The following SPG7 variants were observed in gnomAD, a reference collection of about 807,000 sequenced individuals.
The protein encoded by SPG7 is SPG7 matrix AAA peptidase subunit, paraplegin.
In SPG7, 103 loss-of-function variants were observed where a neutral mutation model predicts 81.9. The ratio of observed to expected loss-of-function variants is 1.26; its 90% CI spans 1.07 to 1.48. The LOEUF (loss-of-function observed/expected upper bound fraction) is 1.48, where lower values mean the gene tolerates loss of function less well. Ranked by LOEUF, SPG7 falls within the 40% of genes most tolerant of loss-of-function variation. The probability of loss-of-function intolerance (pLI) is 0.00; values close to 1 mark genes in which losing one functional copy is unlikely to be tolerated. For synonymous variants in SPG7, 534 were observed against 444.2 expected, an observed-to-expected ratio of 1.20 and a Z score of -2.54; for missense variants, 1,241 against 1,087.3, an observed-to-expected ratio of 1.14 and a Z score of -1.99.
chr16:89,532,925 A>C, intron 9 of SPG7: 4 of 435,062 alleles, frequency 9.2e-6, no homozygotes, highest in Admixed American at 3.5e-5. Flanking sequence ...CTCTACAAAA[A>C]TACAAAAGTC....
intron 9 of SPG7, chr16:89,533,368 C>CGT (rs1210193106): frequency 6.6e-6 from 1 of 152,086 alleles, no homozygotes; most frequent in Non-Finnish European, 1.5e-5. Context: ...GGGGTTTCAC[C>CGT]GTGTTAGCCA....
At position 89,540,156 on chromosome 16, in the gene SPG7, C is replaced by T. The variant is rs2058476725; in HGVS notation, c.1325-4492C>T. On this transcript the variant is annotated intron_variant, in intron 9 of 16. Transcript: ENST00000645818. Reference sequence around the variant, plus strand: ...CGAGAGCAGGTGGAGTGATTCCTCCCACTTTGTTCTTTACCAGAATTGTTT... The same window carrying T: ...CGAGAGCAGGTGGAGTGATTCCTCCTACTTTGTTCTTTACCAGAATTGTTT... 3 of 152,246 alleles carry T rather than the reference C, an allele frequency of 2.0e-5. No homozygotes were observed. The East Asian group carries it at 5.8e-4, about 29-fold the overall frequency. 9.4% of individuals were successfully genotyped at this position (152,246 alleles called of 1,614,324 possible). A position where few individuals can be genotyped will look rare whatever the true frequency, so the allele number is the denominator to read the frequency against.
chr16:89,555,611 G>A (rs1597667316), intron 16 of SPG7: 1 of 344,354 alleles, frequency 2.9e-6, no homozygotes, highest in Middle Eastern at 7.4e-4. Context: ...GGCTCCTCTG[G>A]GGTGACAGTT....
intron 5 of SPG7, 64 bp from the exon 6 acceptor site, chr16:89,529,413 T>TTGGAA: frequency 9.4e-7 from 1 of 1,066,514 alleles, no homozygotes. Flanking sequence ...GGTTCTGATT[T>TTGGAA]GGAAGCCTGC....
chr16:89,546,599 G>A (rs1484504342), intron 10 of SPG7, 59 bp from the exon 11 acceptor site: 19 of 1,037,354 alleles, frequency 1.8e-5, no homozygotes, highest in Middle Eastern at 2.2e-4. Context: ...CAAACATGCC[G>A]CACCTGTGGC....
chr16:89,514,737 A>T (rs944233283), intron 3 of SPG7, among the ~76,000 whole-genome samples: 1 of 151,752 alleles, frequency 6.6e-6, no homozygotes, highest in East Asian at 2.0e-4. Flanking sequence ...TGACCTTGTG[A>T]TCTGCTCACC....
Position 89,508,424 on chromosome 16 carries a change from G to GTGC in SPG7, c.21_23dup (p.Leu8dup), listed in dbSNP as rs781285980. 4.0e-4 allele frequency: 596 copies of GTGC among 1,490,712 alleles called. No individual in the cohort carries two copies. Among genetic ancestry groups the GTGC allele is most frequent in the African/African-American group, 1.9e-3 (133 of 68,536 alleles). The allele number at this position is 1,490,712 out of a possible 1,614,324, so 92.3% of individuals were successfully genotyped here. ...GCGCGGCTTTCAGGCCAACATGGCCGTGCTGCTGCTGCTGCTCCGTGCCCT... is the reference window on the plus strand; with the variant it reads ...GCGCGGCTTTCAGGCCAACATGGCCGTGCTGCTGCTGCTGCTGCTCCGTGCCCT... On this transcript the variant is annotated inframe_insertion, in exon 1 of 17. Transcript: ENST00000645818.
At chr16:89,547,647 C>CT in intron 11 of SPG7, 1 of 345,076 alleles carries the variant, frequency 2.9e-6, no homozygotes, top group South Asian at 2.3e-5. Context: ...GAGTCCTACT[C>CT]TGTCGCCCAG....
intron 1 of SPG7, among the ~76,000 whole-genome samples, chr16:89,510,266 C>T (rs1293351877): frequency 1.3e-5 from 2 of 152,100 alleles, no homozygotes; most frequent in East Asian, 1.9e-4. Flanking sequence ...TGAGCCACCA[C>T]GCCTGGCCAA....
At chr16:89,555,864 TTGTGTCTTTCAAGCGAGCACTG>T (rs1170812720) in intron 16 of SPG7, 1 of 398,700 alleles carries the variant, frequency 2.5e-6, no homozygotes, top group East Asian at 3.6e-5. Context: ...CAGCCTCCCC[TTGTGTCTTTCAAGCGAGCACTG>T]TGTGTCACGT....
Position 89,530,776 on chromosome 16 carries a change from C to G in SPG7, c.955C>G (p.Leu319Val), listed in dbSNP as rs1454732864. 6.2e-7 allele frequency: 1 copy of G among 1,614,078 alleles called. No homozygotes were observed. Among genetic ancestry groups the G allele is most frequent in the African/African-American group, 1.3e-5 (1 of 74,928 alleles). ...KDVAGMHEAK[L>V]EVREFVDYLK... ...CGTGGCAGGAATGCACGAAGCCAAA[C>G]TGGAAGTCCGCGAGTTTGTGGATTA... Residue 319 changes from leucine (L) to valine (V), a missense_variant, in exon 7 of 17, where the codon CTG becomes GTG. Transcript: ENST00000645818.
Position 89,548,103 on chromosome 16 carries a change from C to T in SPG7, c.1653C>T (p.Arg551=), listed in dbSNP as rs56031686. 990 of 1,605,026 alleles carry T rather than the reference C, an allele frequency of 6.2e-4. 9 individuals are homozygous for T. In the African/African-American group the frequency reaches 0.012, roughly 19 times the overall value. ...HTLNFEYAVE[R]VLAGTAKKSK... ...TCAACTTCGAGTACGCCGTGGAGCGCGTCCTCGCAGGTACAGGGGGCGCGC... is the reference window on the plus strand; with the variant it reads ...TCAACTTCGAGTACGCCGTGGAGCGTGTCCTCGCAGGTACAGGGGGCGCGC... The change falls in exon 12 of 17, where the codon CGC becomes CGT. Residue 551 remains arginine, a synonymous_variant. Transcript: ENST00000645818.
rs368084152 is a variant in SPG7, at chr16:89,556,874, C to G, written c.2182-13C>G. ...CCTGGGGACTCACACACTGCTATGC[C>G]TGTTCTTTCTAGCTGGCAAACGCCC... is the stretch of plus-strand genomic sequence containing the variant. On this transcript the variant is annotated splice_polypyrimidine_tract_variant and intron_variant, in intron 16 of 16. Coordinates refer to ENST00000645818, the MANE Select transcript of SPG7 (RefSeq NM_003119.4). 2 of 1,606,842 alleles carry G rather than the reference C, an allele frequency of 1.2e-6. No individual in the cohort carries two copies. Among genetic ancestry groups the G allele is most frequent in the Non-Finnish European group, 1.7e-6 (2 of 1,173,738 alleles).
At chr16:89,537,082 C>T (rs1047182182) in intron 9 of SPG7, 2 of 1,544,120 alleles carry the variant, frequency 1.3e-6, no homozygotes, top group East Asian at 4.8e-5. Flanking sequence ...CAGCTCTAAA[C>T]AAGTCCCTTT....
intron 9 of SPG7, among the ~76,000 whole-genome samples, chr16:89,534,269 C>T (rs1400354898): frequency 6.6e-6 from 1 of 152,196 alleles, no homozygotes; most frequent in East Asian, 1.9e-4. Flanking sequence ...CTGTCCTTTG[C>T]TATCCGCCTT....
At chr16:89,545,659 G>A (rs431559) in intron 10 of SPG7, 10 of 262,288 alleles carry the variant, frequency 3.8e-5, no homozygotes, top group African/African-American at 1.7e-4. Flanking sequence ...CAGGGGACAC[G>A]GCTTCTCCAG....
At position 89,547,991 on chromosome 16, in the gene SPG7, TTG is replaced by T. The variant is rs567981282; in HGVS notation, c.1553-8_1553-7del. On this transcript the variant is annotated splice_polypyrimidine_tract_variant and intron_variant, in intron 11 of 16. Transcript: ENST00000645818. ...ACCCACCCACCCACACCGTGGCTGT[TTG>T]TGTTGACAGGGGCTGACATCGCCAA... 1.3e-4 allele frequency: 214 copies of T among 1,608,618 alleles called. 8 individuals are homozygous for T. In the South Asian group the frequency reaches 2.1e-3, roughly 16 times the overall value.
At position 89,529,728 on chromosome 16, in the gene SPG7, C is replaced by T. The variant is rs1366283644; in HGVS notation, c.861+149C>T. On this transcript the variant is annotated intron_variant, in intron 6 of 16. Transcript: ENST00000645818. ...ATTAGACAGCAGCTCACCTTCCTTT[C>T]CCATGGTCCGGCTGTAAGGCGTGTA... The T allele has an allele frequency of 1.1e-5, 8 of 712,600 alleles. No homozygotes were observed. In the East Asian group the frequency reaches 2.2e-4, roughly 19 times the overall value. The allele number at this position is 712,600 out of a possible 1,614,324, so 44.1% of individuals were successfully genotyped here. A position where few individuals can be genotyped will look rare whatever the true frequency, so the allele number is the denominator to read the frequency against.
At chr16:89,523,521 T>C (rs2152399235) in intron 3 of SPG7, 1 of 353,376 alleles carries the variant, frequency 2.8e-6, no homozygotes, top group South Asian at 2.1e-5. Context: ...TCATGGCCAT[T>C]GTGAGCTTGC....
Sources: gnomAD v4.1 joint callset for allele counts (sites outside exome capture counted in the v4.1 genomes callset) on GRCh38, gnomAD v4.1.1 for gene constraint, MANE v1.5 for transcripts, NCBI Gene and HGNC (gene_info 2026-07-23, HGNC 2026-07-21) for gene names.